ZNF365: variants seen among roughly 807,000 people sequenced by gnomAD.
ZNF365 encodes the protein zinc finger protein 365.
ZNF365 carries 22 observed loss-of-function variants against 35.0 expected under a neutral mutation model. That is an observed-to-expected ratio of 0.63 (90% confidence interval 0.45 to 0.90). The LOEUF is 0.90. Among genes scored for constraint, ZNF365 ranks in the 40% least tolerant of loss-of-function variants. The pLI, the probability that ZNF365 is intolerant of heterozygous loss-of-function variation, is 0.00. For synonymous variants in ZNF365, 188 were observed against 196.2 expected (o/e 0.96, Z 0.35); for missense variants, 448 against 500.3 (o/e 0.90, Z 1.00).
chr10:62,394,267 G>A (rs759735794), intron 3 of ZNF365, among the ~76,000 whole-genome samples: 2 of 152,082 alleles, frequency 1.3e-5, no homozygotes, highest in Non-Finnish European at 2.9e-5. Context: ...TGGAGCTTTC[G>A]GATTTTGGGT....
At chr10:62,459,440 G>A (rs150897931) in intron 3 of ZNF365, among the ~76,000 whole-genome samples, 1 of 152,180 alleles carries the variant, frequency 6.6e-6, no homozygotes, top group African/African-American at 2.4e-5. Flanking sequence ...AGATGGGAGG[G>A]AACAGAGAAT....
intron 3 of ZNF365, among the ~76,000 whole-genome samples, chr10:62,396,863 G>C (rs372154699): frequency 6.6e-6 from 1 of 152,008 alleles, no homozygotes; most frequent in Admixed American, 6.6e-5. Context: ...AAACGGTAAA[G>C]TGAACACATT....
Position 62,438,046 on chromosome 10 carries a change from T to G in ZNF365, c.925-21695T>G, listed in dbSNP as rs1487853614. ...TTTCAAGTAACTGTGTATGGGAAAT[T>G]AGTTAACAGATAGGAGCATTTATTC... is the stretch of plus-strand genomic sequence containing the variant. On this transcript the variant is annotated intron_variant, in intron 3 of 4. Transcript: ENST00000395255. Among the ~76,000 whole-genome samples, 11 of 152,272 alleles carry G rather than the reference T, an allele frequency of 7.2e-5. No homozygotes were observed. In the East Asian group the frequency reaches 1.9e-3, roughly 27 times the overall value.
At chr10:62,452,697 T>C (rs1840702548) in intron 3 of ZNF365, among the ~76,000 whole-genome samples, 1 of 152,256 alleles carries the variant, frequency 6.6e-6, no homozygotes. Context: ...ATGCCTGCAA[T>C]GGATCTCTTT....
chr10:62,376,070 G>A, intron 1 of ZNF365, 111 bp from the exon 2 acceptor site: 1 of 1,182,576 alleles, frequency 8.5e-7, no homozygotes. Flanking sequence ...AATATTATGT[G>A]CAAAAGTCAC....
At chr10:62,439,033 G>A (rs1267800321) in intron 3 of ZNF365, among the ~76,000 whole-genome samples, 1 of 152,134 alleles carries the variant, frequency 6.6e-6, no homozygotes, top group African/African-American at 2.4e-5. Flanking sequence ...CATTTAGCAT[G>A]GAAAATAAAA....
downstream of ZNF365, among the ~76,000 whole-genome samples, chr10:62,403,917 C>T (rs138403660): frequency 4.5e-3 from 692 of 152,280 alleles, 6 homozygotes; most frequent in African/African-American, 0.016. Flanking sequence ...CAAAAAGAAG[C>T]CCCGGAGCAA....
intron 4 of ZNF365, among the ~76,000 whole-genome samples, chr10:62,460,260 G>T (rs1840826178): frequency 1.3e-5 from 2 of 152,152 alleles, no homozygotes; most frequent in Admixed American, 6.5e-5. Flanking sequence ...TCCCTGCAGA[G>T]ATATATATTA....
At chr10:62,388,135 C>T (rs1839554258) in intron 2 of ZNF365, among the ~76,000 whole-genome samples, 1 of 152,196 alleles carries the variant, frequency 6.6e-6, no homozygotes, top group Non-Finnish European at 1.5e-5. Flanking sequence ...TCACTGTCCC[C>T]TTGCACCCAG....
chr10:62,399,761 A>G lies in ZNF365; in HGVS notation c.1196A>G (p.Lys399Arg). 6.2e-7 allele frequency: 1 copy of G among 1,613,656 alleles called. No homozygotes were observed. The highest frequency in any genetic ancestry group is 8.5e-7 in the Non-Finnish European group (1 of 1,179,914). ...GNIRPKMAKK[K>R]PTAIVNII ...ATCAGGCCCAAAATGGCTAAAAAAA[A>G]GCCAACAGCCATTGTGAACATCATC... The change falls in exon 5 of 5, where the codon AAG becomes AGG. Residue 399 changes from lysine to arginine, a missense_variant. Physicochemically the swap from Lys to Arg is conservative, Grantham distance 26 (BLOSUM62 2). Transcript: ENST00000395254.
chr10:62,471,687 A>G (rs1841041673), intron 4 of ZNF365, among the ~76,000 whole-genome samples: 1 of 152,224 alleles, frequency 6.6e-6, no homozygotes, highest in African/African-American at 2.4e-5. Context: ...TGGATGTACA[A>G]AAAAATCTGC....
intron 3 of ZNF365, among the ~76,000 whole-genome samples, chr10:62,408,880 T>G (rs1377323048): frequency 6.6e-6 from 1 of 152,252 alleles, no homozygotes; most frequent in East Asian, 1.9e-4. Flanking sequence ...CTTCTTAGCG[T>G]CCTATGTTTT....
intron 4 of ZNF365, among the ~76,000 whole-genome samples, chr10:62,460,601 A>G (rs1840831704): frequency 6.6e-6 from 1 of 152,228 alleles, no homozygotes; most frequent in Admixed American, 6.5e-5. Context: ...AAAACCTCAG[A>G]TAAGTGGGGA....
Position 62,376,526 on chromosome 10 carries a change from C to T in ZNF365, c.333C>T (p.Asp111=). ...LYSISHEHSK[D]RKPFEVVAER... is the part of the protein sequence containing the mutation. ...GCATTTCACATGAACATTCCAAGGACAGGAAGCCATTTGAGGTGGTGGCAG... is the reference window on the plus strand; with the variant it reads ...GCATTTCACATGAACATTCCAAGGATAGGAAGCCATTTGAGGTGGTGGCAG... Residue 111 remains aspartate, a synonymous_variant, in exon 2 of 5, where the codon GAC becomes GAT. Transcript: ENST00000395254. 3 of 1,614,078 alleles carry T rather than the reference C, an allele frequency of 1.9e-6. No homozygotes were observed. The highest frequency in any genetic ancestry group is 2.5e-6 in the Non-Finnish European group (3 of 1,180,038).
At position 62,400,636 on chromosome 10, in the gene ZNF365, T is replaced by C; in HGVS notation, c.*847T>C. On this transcript the variant is annotated 3_prime_UTR_variant, in exon 5 of 5. Transcript: ENST00000395254. ...GTTGGAATGACAGTGGACTGCACGC[T>C]TGGTGCATCGTGCATCGTGACCATC... The C allele has an allele frequency of 1.0e-6, 1 of 985,716 alleles. No individual in the cohort carries two copies. Among genetic ancestry groups the C allele is most frequent in the Non-Finnish European group, 1.2e-6 (1 of 829,958 alleles). The allele number at this position is 985,716 out of a possible 1,614,324, so 61.1% of individuals were successfully genotyped here.
chr10:62,393,969 C>G (rs959830605), intron 3 of ZNF365, among the ~76,000 whole-genome samples: 6 of 152,118 alleles, frequency 3.9e-5, no homozygotes, highest in Admixed American at 2.0e-4. Flanking sequence ...TTGTATAGTA[C>G]TCGAAATTCT....
In ZNF365 at chr10:62,401,886, G is replaced by A. The variant is rs989989580; in HGVS notation, c.*2097G>A. ...CATCCTACTCTACATTTCACAAGACGAATTATTTTGAGATTTGTTTATTAT... is the reference window on the plus strand; with the variant it reads ...CATCCTACTCTACATTTCACAAGACAAATTATTTTGAGATTTGTTTATTAT... On this transcript the variant is annotated 3_prime_UTR_variant, in exon 5 of 5. Coordinates refer to ENST00000395254, the MANE Select transcript of ZNF365 (RefSeq NM_014951.3). 5.2e-5 allele frequency: 51 copies of A among 985,192 alleles called. No homozygotes were observed. Among genetic ancestry groups the A allele is most frequent in the East Asian group, 2.2e-4 (2 of 8,966 alleles). The allele number at this position is 985,192 out of a possible 1,614,324, so 61.0% of individuals were successfully genotyped here. A position where few individuals can be genotyped will look rare whatever the true frequency, so the allele number is the denominator to read the frequency against.
Position 62,453,558 on chromosome 10 carries a change from G to A in ZNF365, c.925-6183G>A, listed in dbSNP as rs367795750. Reference sequence around the variant, plus strand: ...ATGGATGGACACTTAGATTAATTCCGTATCTTTGCTATTGTGAATAGTGCT... The same window carrying A: ...ATGGATGGACACTTAGATTAATTCCATATCTTTGCTATTGTGAATAGTGCT... On this transcript the variant is annotated intron_variant, in intron 3 of 4. Coordinates refer to the ZNF365 transcript ENST00000395255. Among the ~76,000 whole-genome samples the A allele has an allele frequency of 9.2e-5, 14 of 152,230 alleles. No homozygotes were observed. The South Asian group carries it at 1.7e-3, about 18-fold the overall frequency.
intron 3 of ZNF365, among the ~76,000 whole-genome samples, chr10:62,417,219 C>T (rs978921493): frequency 1.3e-5 from 2 of 152,048 alleles, no homozygotes; most frequent in African/African-American, 2.4e-5. Context: ...GTCATTATAA[C>T]GTTTGCTCCT....
Sources: gnomAD v4.1 joint callset for allele counts (sites outside exome capture counted in the v4.1 genomes callset) on GRCh38, gnomAD v4.1.1 for gene constraint, MANE v1.5 for transcripts, NCBI Gene and HGNC (gene_info 2026-07-23, HGNC 2026-07-21) for gene names.